REV3L: variants seen among roughly 807,000 people sequenced by gnomAD.
The protein encoded by REV3L is REV3 like, DNA directed polymerase zeta catalytic subunit.
In REV3L, 69 loss-of-function variants were observed where a neutral mutation model predicts 299.4. The ratio of observed to expected loss-of-function variants is 0.23; its 90% CI spans 0.19 to 0.28. The LOEUF is 0.28. REV3L is among the 10% of genes least tolerant of loss of function. The pLI is 1.00. For synonymous variants in REV3L, 1,238 were observed against 1,271.4 expected, an observed-to-expected ratio of 0.97 and a Z score of 0.56; for missense variants, 3,128 against 3,693.8, an observed-to-expected ratio of 0.85 and a Z score of 3.97.
At chr6:111,354,175 G>C (rs1777856659) in intron 18 of REV3L, 1 of 152,188 alleles carries the variant, frequency 6.6e-6, no homozygotes. Flanking sequence ...GAGGATGCCA[G>C]ATGATTACAC....
chr6:111,314,864 TTTTTAGAGACAGG>T (rs1424209280), intron 27 of REV3L, among the ~76,000 whole-genome samples: 12 of 151,838 alleles, frequency 7.9e-5, no homozygotes, highest in African/African-American at 2.2e-4. Context: ...TTTTTTTTTT[TTTTTAGAGACAGG>T]GTCTTACTTT....
intron 16 of REV3L, among the ~76,000 whole-genome samples, chr6:111,359,425 T>C (rs1778415146): frequency 2.0e-5 from 3 of 149,852 alleles, no homozygotes; most frequent in Admixed American, 6.7e-5. Flanking sequence ...TTTTTAAAAT[T>C]CAAATTTCCT....
At chr6:111,351,603 T>C in intron 19 of REV3L, 73 bp downstream of exon 19, 1 of 1,212,544 alleles carries the variant, frequency 8.2e-7, no homozygotes, top group Non-Finnish European at 1.2e-6. Context: ...TAAGTACTCT[T>C]TAACATTCTG....
chr6:111,386,125 C>T (rs1437642753), intron 9 of REV3L, among the ~76,000 whole-genome samples: 2 of 152,252 alleles, frequency 1.3e-5, no homozygotes, highest in Non-Finnish European at 1.5e-5. Flanking sequence ...ACAATGCATA[C>T]ACCCTAACAT....
intron 4 of REV3L, among the ~76,000 whole-genome samples, chr6:111,403,782 T>A (rs991857111): frequency 3.9e-5 from 6 of 152,170 alleles, no homozygotes; most frequent in African/African-American, 1.4e-4. Flanking sequence ...CTAAAAATGA[T>A]TAAGCTTACC....
intron 1 of REV3L, among the ~76,000 whole-genome samples, chr6:111,438,724 T>C (rs1445059152): frequency 6.6e-6 from 1 of 152,174 alleles, no homozygotes; most frequent in Non-Finnish European, 1.5e-5. Context: ...TAGGACTATG[T>C]TTAATTATTT....
intron 16 of REV3L, among the ~76,000 whole-genome samples, chr6:111,362,908 GTTCTCAA>G (rs1234870123): frequency 6.6e-6 from 1 of 152,152 alleles, no homozygotes; most frequent in Admixed American, 6.5e-5. Context: ...CAAATTTTAA[GTTCTCAA>G]TATCCATGCT....
intron 1 of REV3L, among the ~76,000 whole-genome samples, chr6:111,424,812 G>C (rs991150696): frequency 6.6e-6 from 1 of 152,178 alleles, no homozygotes; most frequent in East Asian, 1.9e-4. Context: ...GGTCTTTGTG[G>C]AAAACAATCA....
intron 27 of REV3L, among the ~76,000 whole-genome samples, chr6:111,314,504 T>C (rs898204162): frequency 2.0e-5 from 3 of 152,228 alleles, no homozygotes; most frequent in Admixed American, 6.5e-5. Flanking sequence ...TTCTGGCTGA[T>C]GTTCCAACTA....
chr6:111,331,001 G>A, intron 24 of REV3L: 1 of 985,184 alleles, frequency 1.0e-6, no homozygotes, highest in Non-Finnish European at 1.2e-6. Context: ...GGGCTGGTGG[G>A]GTCCACTCTA....
In REV3L at chr6:111,482,814, G is replaced by A. The variant is rs761654219; in HGVS notation, c.75C>T (p.Ser25=). The change falls in exon 1 of 32, where the codon TCC becomes TCT. Residue 25 remains serine, a synonymous_variant. Transcript: ENST00000368802. ...SPLQGLDTCQ[S]PLTQAPVKKV... ...TCTTGACAGGGGCCTGGGTGAGGGG[G>A]GATTGGCAGGTATCCAGCCCCTGCA... The A allele has an allele frequency of 1.5e-5, 22 of 1,507,434 alleles. No individual in the cohort carries two copies. In the East Asian group the frequency reaches 2.2e-4, roughly 15 times the overall value. The allele number at this position is 1,507,434 out of a possible 1,614,324, so 93.4% of individuals were successfully genotyped here. A position where few individuals can be genotyped will look rare whatever the true frequency, so the allele number is the denominator to read the frequency against.
intron 1 of REV3L, among the ~76,000 whole-genome samples, chr6:111,436,549 T>G (rs1464906636): frequency 6.6e-6 from 1 of 152,140 alleles, no homozygotes; most frequent in Non-Finnish European, 1.5e-5. Flanking sequence ...CATTATTACA[T>G]GTTCTCATTC....
At chr6:111,458,048 T>A (rs1417512743) in intron 1 of REV3L, among the ~76,000 whole-genome samples, 1 of 151,870 alleles carries the variant, frequency 6.6e-6, no homozygotes, top group Non-Finnish European at 1.5e-5. Flanking sequence ...CTCAACAAAA[T>A]ACCAGCAAAC....
chr6:111,434,536 G>A (rs906409312), intron 1 of REV3L, among the ~76,000 whole-genome samples: 4 of 151,438 alleles, frequency 2.6e-5, no homozygotes, highest in African/African-American at 9.7e-5. Context: ...GGAGAATGGC[G>A]TGAACCCGGG....
chr6:111,385,439 A>G (rs750237816), intron 9 of REV3L, among the ~76,000 whole-genome samples: 1 of 152,156 alleles, frequency 6.6e-6, no homozygotes, highest in Non-Finnish European at 1.5e-5. Flanking sequence ...CAAATGCATT[A>G]AAGACCTAAA....
intron 3 of REV3L, among the ~76,000 whole-genome samples, chr6:111,409,241 T>C (rs745907753): frequency 1.3e-4 from 20 of 152,190 alleles, no homozygotes; most frequent in South Asian, 4.1e-4. Context: ...AATAATTTAA[T>C]AGCCTTTCAT....
Position 111,376,108 on chromosome 6 carries a change from G to A in REV3L, c.2247C>T (p.Cys749=), listed in dbSNP as rs1780277395. ...SFTENCELLS[C]SGENRTMVHS... The stretch of plus-strand genomic sequence containing the variant: ...GCACCATAGTTCTATTCTCCCCTGA[G>A]CATGACAGTAATTCACAATTTTCAG... Residue 749 remains cysteine (C), a synonymous_variant, in exon 13 of 32, where the codon TGC becomes TGT. Transcript: ENST00000368802. The A allele has an allele frequency of 6.2e-7, 1 of 1,613,312 alleles. No individual in the cohort carries two copies. Among genetic ancestry groups the A allele is most frequent in the East Asian group, 2.2e-5 (1 of 44,862 alleles).
intron 25 of REV3L, among the ~76,000 whole-genome samples, chr6:111,325,636 GC>G (rs1212601205): frequency 7.2e-5 from 11 of 152,126 alleles, no homozygotes; most frequent in African/African-American, 2.7e-4. Context: ...GCTTTTAAAA[GC>G]TTTTAATTAT....
intron 2 of REV3L, chr6:111,412,350 G>A (rs575068778): frequency 3.7e-5 from 27 of 736,258 alleles, no homozygotes; most frequent in African/African-American, 3.1e-4. Context: ...AGAAATCCTC[G>A]GTGCAAGATG....
Sources: allele counts gnomAD v4.1 joint callset (sites outside exome capture counted in the v4.1 genomes callset), GRCh38; gene constraint gnomAD v4.1.1; transcripts MANE v1.5; gene names NCBI Gene and HGNC (gene_info 2026-07-23, HGNC 2026-07-21).